Variants in HDAC3 observed in about 807,000 individuals in gnomAD.
HDAC3 encodes histone deacetylase 3, also known as SMAP45.
Under a neutral mutation model 62.3 loss-of-function variants are expected in HDAC3, and 21 were observed. That is an observed-to-expected ratio of 0.34 (90% CI 0.24 to 0.49). HDAC3 has a LOEUF of 0.49. HDAC3 is among the 20% of genes least tolerant of loss of function. HDAC3 has a pLI of 0.99. For synonymous variants in HDAC3, 198 were observed against 206.5 expected (o/e 0.96, Z 0.35); for missense variants, 270 against 556.9 (o/e 0.48, Z 5.19).
rs1596436274 is a variant in HDAC3, at chr5:141,625,442, C to A, written c.1060-77G>T. On this transcript the variant is annotated intron_variant, in intron 13 of 14. Coordinates refer to ENST00000305264, the MANE Select transcript of HDAC3 (RefSeq NM_003883.4). The surrounding 1 kb of genome is among the most constrained non-coding windows in gnomAD (Gnocchi z 4.0). ...CATGGAATCTCCTAGCTGCCTTTTA[C>A]CCCTACCATACTGGTTTTCATCTCA... The A allele has an allele frequency of 6.6e-7, 1 of 1,516,198 alleles. No individual in the cohort carries two copies. Among genetic ancestry groups the A allele is most frequent in the Non-Finnish European group, 9.1e-7 (1 of 1,094,962 alleles). 93.9% of individuals were successfully genotyped at this position (1,516,198 alleles called of 1,614,324 possible). A position where few individuals can be genotyped will look rare whatever the true frequency, so the allele number is the denominator to read the frequency against.
At chr5:141,627,831 C>A (rs2099904662) in intron 10 of HDAC3, 62 bp downstream of exon 10, 2 of 1,434,618 alleles carry the variant, frequency 1.4e-6, no homozygotes, top group Non-Finnish European at 9.8e-7. Context: ...CTACCCCCAC[C>A]CACGTACTGA....
At chr5:141,633,905 T>C (rs1479556021) in intron 3 of HDAC3, among the ~76,000 whole-genome samples, 3 of 151,640 alleles carry the variant, frequency 2.0e-5, no homozygotes, top group African/African-American at 4.8e-5. Flanking sequence ...GGGAGGTCAC[T>C]GCACTACTTC....
intron 14 of HDAC3, among the ~76,000 whole-genome samples, chr5:141,622,435 C>G (rs953005884): frequency 3.9e-5 from 6 of 152,078 alleles, no homozygotes; most frequent in African/African-American, 1.4e-4. Context: ...GAAACCCCGT[C>G]TCTACTAAAA....
chr5:141,627,548 GCTTT>G (rs1031478136), intron 10 of HDAC3, among the ~76,000 whole-genome samples: 7 of 152,038 alleles, frequency 4.6e-5, no homozygotes, highest in African/African-American at 7.3e-5. Context: ...CTGTGTCTCA[GCTTT>G]CTTTTTTTCT....
Position 141,625,028 on chromosome 5 carries a change from T to C in HDAC3, c.1217+180A>G, listed in dbSNP as rs964288278. On this transcript the variant is annotated intron_variant, in intron 14 of 14. Transcript: ENST00000305264. This position sits in a 1 kb window ranked among gnomAD's most constrained non-coding sequence, Gnocchi z 4.0. ...CATATTTTGGTGCTGTTTTAAAATT[T>C]TGCAATAAATACGTGTTACTTTTGT... 9.5e-6 allele frequency: 6 copies of C among 628,418 alleles called. No homozygotes were observed. The highest frequency in any genetic ancestry group is 9.3e-5 in the African/African-American group (5 of 53,908). 38.9% of individuals were successfully genotyped at this position (628,418 alleles called of 1,614,324 possible).
intron 3 of HDAC3, among the ~76,000 whole-genome samples, chr5:141,634,213 C>T (rs2099905646): frequency 6.6e-6 from 1 of 152,138 alleles, no homozygotes; most frequent in South Asian, 2.1e-4. Context: ...GATAGCTTCC[C>T]TCTACTCTAC....
chr5:141,636,060 C>T (rs905626361), intron 2 of HDAC3: 2 of 161,450 alleles, frequency 1.2e-5, no homozygotes, highest in African/African-American at 4.8e-5. Flanking sequence ...AATATCGCCT[C>T]TGTTCCACAC....
chr5:141,628,274 G>A lies in HDAC3; in HGVS notation c.692-87C>T, dbSNP rs2099904726. ...AGGAAAAAGGGGGTTGAGCGAGCATGTAGCCCAGGAAAGGGGCCACCCAAA... is the reference window on the plus strand; with the variant it reads ...AGGAAAAAGGGGGTTGAGCGAGCATATAGCCCAGGAAAGGGGCCACCCAAA... On this transcript the variant is annotated intron_variant, in intron 8 of 14. Transcript: ENST00000305264. This position sits in a 1 kb window ranked among gnomAD's most constrained non-coding sequence, Gnocchi z 4.7. 1.7e-6 allele frequency: 2 copies of A among 1,180,242 alleles called. No homozygotes were observed. Among genetic ancestry groups the A allele is most frequent in the African/African-American group, 1.5e-5 (1 of 66,032 alleles). 73.1% of individuals were successfully genotyped at this position (1,180,242 alleles called of 1,614,324 possible).
chr5:141,627,948 C>G lies in HDAC3; in HGVS notation c.775G>C (p.Asp259His). ...CCCAATCGATCACAGCCCAGAGAGT[C>G]AGCTCCACACTGCAAAAAGCAAAAC... ...PTCIVLQCGA[D>H]SLGCDRLGCF... The change falls in exon 10 of 15, where the codon GAC (aspartate) becomes CAC (histidine). Residue 259 changes from aspartate (D) to histidine (H), a missense_variant. Around this residue, in one of 5 missense-constraint regions of HDAC3, gnomAD observed 156 missense variants for 383.9 expected, o/e 0.41. Coordinates refer to ENST00000305264, the MANE Select transcript of HDAC3 (RefSeq NM_003883.4). The G allele has an allele frequency of 6.2e-7, 1 of 1,614,140 alleles. No individual in the cohort carries two copies. The highest frequency in any genetic ancestry group is 1.7e-5 in the Admixed American group (1 of 60,016).
Position 141,629,505 on chromosome 5 carries a change from G to C in HDAC3, c.476+179C>G, listed in dbSNP as rs573954249. 33 of 893,492 alleles carry C rather than the reference G, an allele frequency of 3.7e-5. No individual in the cohort carries two copies. The South Asian group carries it at 4.9e-4, about 13-fold the overall frequency. 55.3% of individuals were successfully genotyped at this position (893,492 alleles called of 1,614,324 possible). ...GACAGGAGAGGGATATGCAGAGAAGGCTGAAATGTGAGCAGGCAGTAGGGA... is the reference window on the plus strand; with the variant it reads ...GACAGGAGAGGGATATGCAGAGAAGCCTGAAATGTGAGCAGGCAGTAGGGA... On this transcript the variant is annotated intron_variant, in intron 6 of 14. Transcript: ENST00000305264. The surrounding 1 kb of genome is among the most constrained non-coding windows in gnomAD (Gnocchi z 5.3).
intron 3 of HDAC3, among the ~76,000 whole-genome samples, chr5:141,630,887 A>G (rs1363797395): frequency 7.3e-6 from 1 of 136,918 alleles, no homozygotes; most frequent in African/African-American, 2.7e-5. Flanking sequence ...GGGTCTCACT[A>G]TGTTGCCCAA....
Position 141,625,243 on chromosome 5 carries a change from A to G in HDAC3, c.1182T>C (p.Asp394=). ...TCTCCTCAGGACCCCTCTCCTCTGC[A>G]TCAGCCTCATCAGTCCTGTCATAGG... The part of the protein sequence containing the change: ...LLTYDRTDEA[D]AEERGPEENY... Residue 394 remains aspartate (D), a synonymous_variant, in exon 14 of 15, where the codon GAT becomes GAC. Transcript: ENST00000305264. This position sits in a 1 kb window ranked among gnomAD's most constrained non-coding sequence, Gnocchi z 4.0. The G allele has an allele frequency of 6.2e-7, 1 of 1,614,010 alleles. No homozygotes were observed. The highest frequency in any genetic ancestry group is 8.5e-7 in the Non-Finnish European group (1 of 1,180,002).
chr5:141,629,408 G>T lies in HDAC3; in HGVS notation c.477-102C>A. 6.6e-7 allele frequency: 1 copy of T among 1,516,122 alleles called. No homozygotes were observed. The highest frequency in any genetic ancestry group is 9.0e-7 in the Non-Finnish European group (1 of 1,106,140). 93.9% of individuals were successfully genotyped at this position (1,516,122 alleles called of 1,614,324 possible). The stretch of plus-strand genomic sequence containing the variant: ...ATTGTGAAGAGTCTGCTTCTGCCCT[G>T]GTCACCTGAAACTTAATGTCACCAG... On this transcript the variant is annotated intron_variant, in intron 6 of 14. Coordinates refer to ENST00000305264, the MANE Select transcript of HDAC3 (RefSeq NM_003883.4). This position sits in a 1 kb window ranked among gnomAD's most constrained non-coding sequence, Gnocchi z 5.3.
In HDAC3 at chr5:141,629,988, A is replaced by T. The variant is rs190233200; in HGVS notation, c.363+56T>A. The T allele has an allele frequency of 1.4e-5, 23 of 1,612,606 alleles. No individual in the cohort carries two copies. The African/African-American group carries it at 2.8e-4, about 20-fold the overall frequency. Reference sequence around the variant, plus strand: ...AGCTGGGAGCCCAGGATCAGGGTTAAATCCCGAGTCCAGGGATCCAGAGGA... The same window carrying T: ...AGCTGGGAGCCCAGGATCAGGGTTATATCCCGAGTCCAGGGATCCAGAGGA... On this transcript the variant is annotated intron_variant, in intron 4 of 14. Transcript: ENST00000305264. This position sits in a 1 kb window ranked among gnomAD's most constrained non-coding sequence, Gnocchi z 5.3.
chr5:141,634,084 T>C (rs1305215012), intron 3 of HDAC3, among the ~76,000 whole-genome samples: 1 of 152,192 alleles, frequency 6.6e-6, no homozygotes, highest in Non-Finnish European at 1.5e-5. Context: ...CCCTGACTCT[T>C]CTATGGATGA....
chr5:141,628,950 AC>A lies in HDAC3; in HGVS notation c.610+222del, dbSNP rs1596440884. On this transcript the variant is annotated intron_variant, in intron 7 of 14. Coordinates refer to ENST00000305264, the MANE Select transcript of HDAC3 (RefSeq NM_003883.4). The surrounding 1 kb of genome is among the most constrained non-coding windows in gnomAD (Gnocchi z 4.7). ...GGAGGGAGGCAGTAAACAAAACAAA[AC>A]AAAAAACCACAATAAACACAAATAG... is the stretch of plus-strand genomic sequence containing the variant. Among the ~76,000 whole-genome samples, 1 of 152,104 alleles carries A rather than the reference AC, an allele frequency of 6.6e-6. No individual in the cohort carries two copies. The highest frequency in any genetic ancestry group is 6.5e-5 in the Admixed American group (1 of 15,274).
Position 141,626,487 on chromosome 5 carries a change from G to T in HDAC3, c.831-204C>A. ...AATAAAAATTTTAAAATAAAGCACA[G>T]TCCCCCCTCTGTTCTGCTCAACACC... On this transcript the variant is annotated intron_variant, in intron 10 of 14. Coordinates refer to ENST00000305264, the MANE Select transcript of HDAC3 (RefSeq NM_003883.4). The surrounding 1 kb of genome is among the most constrained non-coding windows in gnomAD (Gnocchi z 4.6). 1.7e-6 allele frequency: 1 copy of T among 572,820 alleles called. No homozygotes were observed. Among genetic ancestry groups the T allele is most frequent in the East Asian group, 3.1e-5 (1 of 32,426 alleles). 35.5% of individuals were successfully genotyped at this position (572,820 alleles called of 1,614,324 possible).
At chr5:141,624,372 C>CAAAAAAAAAA (rs58610895) in intron 14 of HDAC3, among the ~76,000 whole-genome samples, 7 of 22,092 alleles carry the variant, frequency 3.2e-4, no homozygotes, top group African/African-American at 7.1e-4. Flanking sequence ...CCGTCTCTAC[C>CAAAAAAAAAA]AAAAAAAAAA....
intron 1 of HDAC3, 34 bp from the exon 2 acceptor site, chr5:141,636,664 C>A (rs747099928): frequency 1.9e-6 from 3 of 1,613,322 alleles, no homozygotes; most frequent in Admixed American, 3.3e-5. Flanking sequence ...CGTCAGCTCT[C>A]ACCCCTGGAG....
Sources: allele counts gnomAD v4.1 joint callset (sites outside exome capture counted in the v4.1 genomes callset), GRCh38; gene constraint gnomAD v4.1.1; regional missense constraint gnomAD v4.1.1; non-coding constraint Gnocchi (gnomAD v3.1); transcripts MANE v1.5; gene names NCBI Gene and HGNC (gene_info 2026-07-23, HGNC 2026-07-21).